Variants in ZNF335 observed in about 807,000 individuals in gnomAD.
ZNF335 encodes the protein NRC-interacting factor 1.
In ZNF335, 84 loss-of-function variants were observed where a neutral mutation model predicts 145.6. That is an observed-to-expected ratio of 0.58 (90% CI 0.48 to 0.69). The LOEUF (loss-of-function observed/expected upper bound fraction) is 0.69, where lower values mean the gene tolerates loss of function less well. Among genes scored for constraint, ZNF335 ranks in the 30% least tolerant of loss-of-function variants. ZNF335 has a pLI of 0.00. For synonymous variants in ZNF335, 761 were observed against 717.0 expected, an observed-to-expected ratio of 1.06 and a Z score of -0.98; for missense variants, 1,865 against 1,809.7, an observed-to-expected ratio of 1.03 and a Z score of -0.55.
chr20:45,965,395 T>A (rs1278562157), intron 7 of ZNF335, among the ~76,000 whole-genome samples: 2 of 152,196 alleles, frequency 1.3e-5, no homozygotes, highest in Non-Finnish European at 2.9e-5. Context: ...TCTTTTGCTA[T>A]GACAAATTGT....
Position 45,953,961 on chromosome 20 carries a change from C to T in ZNF335, c.2443-13G>A. ...TCACCACAGCCACCTGCAACGGCAC[C>T]AGGGGGCGGGATGGGAGGCACTGGT... On this transcript the variant is annotated splice_polypyrimidine_tract_variant and intron_variant, in intron 17 of 27. Coordinates refer to ENST00000322927, the MANE Select transcript of ZNF335 (RefSeq NM_022095.4). The T allele has an allele frequency of 6.4e-7, 1 of 1,570,546 alleles. No individual in the cohort carries two copies. Among genetic ancestry groups the T allele is most frequent in the South Asian group, 1.1e-5 (1 of 87,012 alleles).
chr20:45,960,559 A>C (rs7351655), intron 12 of ZNF335, 34 bp from the exon 13 acceptor site: 1 of 1,613,510 alleles, frequency 6.2e-7, no homozygotes, highest in Non-Finnish European at 8.5e-7. Flanking sequence ...GATGGCGATC[A>C]CCCTCCATCA....
At position 45,960,646 on chromosome 20, in the gene ZNF335, G is replaced by C. The variant is rs758175636; in HGVS notation, c.1752C>G (p.His584Gln). 18 of 1,614,120 alleles carry C rather than the reference G, an allele frequency of 1.1e-5. No homozygotes were observed. Among genetic ancestry groups the C allele is most frequent in the Non-Finnish European group, 1.5e-5 (18 of 1,180,024 alleles). Residue 584 changes from histidine to glutamine, a missense_variant, in exon 12 of 28, where the codon CAC (histidine) becomes CAG (glutamine). Transcript: ENST00000322927. ...CACACATGTGGGGCTTCTCAGTGCT[G>C]TGCGTCTTCATGTGCTGCGTGAGTC... Reference protein sequence around the residue: ...QKRLTQHMKTHSTEKPHMCDK... With the variant: ...QKRLTQHMKTQSTEKPHMCDK...
At position 45,960,747 on chromosome 20, in the gene ZNF335, G is replaced by T; in HGVS notation, c.1666-15C>A. ...AGCTTTGGAGTCTAGGAAGGCATAA[G>T]AAGGGGCCAGATGGAGAAAGAAGTG... On this transcript the variant is annotated splice_polypyrimidine_tract_variant and intron_variant, in intron 11 of 27. Coordinates refer to ENST00000322927, the MANE Select transcript of ZNF335 (RefSeq NM_022095.4). 2.5e-6 allele frequency: 4 copies of T among 1,613,364 alleles called. No individual in the cohort carries two copies. The highest frequency in any genetic ancestry group is 3.4e-6 in the Non-Finnish European group (4 of 1,179,412).
chr20:45,949,281 C>T (rs746041587), intron 26 of ZNF335, 30 bp from the exon 27 acceptor site: 6 of 1,613,916 alleles, frequency 3.7e-6, no homozygotes, highest in Admixed American at 3.3e-5. Context: ...AAGATGCTGG[C>T]CTGGAGAAAC....
Position 45,952,479 on chromosome 20 carries a change from G to A in ZNF335, c.2857C>T (p.Leu953=), listed in dbSNP as rs779332922. ...GSISFPSPDA[L]ASGAKWPLLQ... ...AGGGGCCATTTGGCACCAGAGGCCAGAGCATCTGGACTTGGGAAGGAGATG... is the reference window on the plus strand; with the variant it reads ...AGGGGCCATTTGGCACCAGAGGCCAAAGCATCTGGACTTGGGAAGGAGATG... The change falls in exon 20 of 28, where the codon CTG becomes TTG. Residue 953 remains leucine (L), a synonymous_variant. Coordinates refer to ENST00000322927, the MANE Select transcript of ZNF335 (RefSeq NM_022095.4). The A allele has an allele frequency of 1.3e-6, 2 of 1,565,508 alleles. No individual in the cohort carries two copies.
intron 3 of ZNF335, 92 bp from the exon 4 acceptor site, chr20:45,968,454 G>A: frequency 8.1e-7 from 1 of 1,232,332 alleles, no homozygotes; most frequent in East Asian, 2.4e-5. Context: ...CTGTGAGCAG[G>A]GCTGGTCCAC....
chr20:45,968,897 G>A (rs926609500), intron 3 of ZNF335: 2 of 155,576 alleles, frequency 1.3e-5, no homozygotes, highest in African/African-American at 2.4e-5. Context: ...CAAAAAGGTG[G>A]TGTGCACCTG....
In ZNF335 at chr20:45,968,353, G is replaced by C. The variant is rs768784734; in HGVS notation, c.452C>G (p.Thr151Ser). 2 of 1,611,718 alleles carry C rather than the reference G, an allele frequency of 1.2e-6. No individual in the cohort carries two copies. The highest frequency in any genetic ancestry group is 1.7e-6 in the Non-Finnish European group (2 of 1,178,256). ...CCCGCCATCCTCAGCACTGGTCACA[G>C]TGATGCAGTCTGGGCAGAGATGGGG... ...IGPDLIQNCI[T>S]VTSAEDGGAE... The change falls in exon 4 of 28, where the codon ACT (threonine) becomes AGT (serine). Residue 151 changes from threonine to serine, a missense_variant. Coordinates refer to ENST00000322927, the MANE Select transcript of ZNF335 (RefSeq NM_022095.4).
chr20:45,960,106 G>C, intron 14 of ZNF335, 102 bp downstream of exon 14: 1 of 1,354,432 alleles, frequency 7.4e-7, no homozygotes, highest in Non-Finnish European at 1.0e-6. Context: ...TTCTGTGGCT[G>C]GGGCTACCGA....
Position 45,953,936 on chromosome 20 carries a change from T to G in ZNF335, c.2455A>C (p.Lys819Gln). The G allele has an allele frequency of 6.3e-7, 1 of 1,596,900 alleles. No individual in the cohort carries two copies. The highest frequency in any genetic ancestry group is 8.5e-7 in the Non-Finnish European group (1 of 1,170,954). Residue 819 changes from lysine to glutamine, a missense_variant, in exon 18 of 28, where the codon AAG becomes CAG. By Grantham distance (53) the Lys-to-Gln change is moderately conservative. Transcript: ENST00000322927. ...AACCCTGCTTCCACATCTTCCGACT[T>G]CACCACAGCCACCTGCAACGGCACC... ...GGTALQVAVV[K>Q]SEDVEAGLAS...
At chr20:45,969,834 G>T in intron 2 of ZNF335, 143 bp from the exon 3 acceptor site, 1 of 1,133,262 alleles carries the variant, frequency 8.8e-7, no homozygotes, top group Non-Finnish European at 1.2e-6. Context: ...CCCCACGGAG[G>T]ACCAGTGAGA....
At position 45,949,817 on chromosome 20, in the gene ZNF335, C is replaced by G. The variant is rs2083595082; in HGVS notation, c.3652G>C (p.Val1218Leu). The stretch of plus-strand genomic sequence containing the variant: ...TAGCTCACCTGGTTGTCGGAGGTCA[C>G]CAGGTGCTGTACGGTCTGGCCATCT... ...TADGQTVQHL[V>L]TSDNQVQYII... is the part of the protein sequence containing the mutation. Residue 1218 changes from valine (V) to leucine (L), a missense_variant, in exon 24 of 28, where the codon GTG (valine) becomes CTG (leucine). Physicochemically the swap from Val to Leu is conservative, Grantham distance 32. Coordinates refer to ENST00000322927, the MANE Select transcript of ZNF335 (RefSeq NM_022095.4). The G allele has an allele frequency of 6.2e-7, 1 of 1,614,090 alleles. No individual in the cohort carries two copies. The highest frequency in any genetic ancestry group is 1.3e-5 in the African/African-American group (1 of 75,024).
In ZNF335 at chr20:45,960,462, C is replaced by T. The variant is rs773653123; in HGVS notation, c.1846G>A (p.Val616Ile). The T allele has an allele frequency of 1.9e-5, 31 of 1,614,112 alleles. No homozygotes were observed. The highest frequency in any genetic ancestry group is 1.0e-4 in the Admixed American group (6 of 60,014). ...AAGGGGATGTACCTGCGGTTGGCAA[C>T]AGCCTGGATGTGCGTGAGCAGGTGC... is the stretch of plus-strand genomic sequence containing the variant. The part of the protein sequence containing the change: ...KMHLLTHIQA[V>I]ANRRFKCEFC... The change falls in exon 13 of 28, where the codon GTT becomes ATT. Residue 616 changes from valine (V) to isoleucine (I), a missense_variant. Coordinates refer to ENST00000322927, the MANE Select transcript of ZNF335 (RefSeq NM_022095.4).
intron 7 of ZNF335, 21 bp downstream of exon 7, chr20:45,965,607 C>T (rs1391163601): frequency 1.3e-6 from 2 of 1,583,978 alleles, no homozygotes; most frequent in African/African-American, 2.8e-5. Flanking sequence ...CACACGAGCC[C>T]CTCCCAAGAC....
In ZNF335 at chr20:45,965,626, A is replaced by T; in HGVS notation, c.1102+2T>A. 6.3e-7 allele frequency: 1 copy of T among 1,592,740 alleles called. No individual in the cohort carries two copies. On this transcript the variant is annotated splice_donor_variant, in intron 7 of 27. Coordinates refer to ENST00000322927, the MANE Select transcript of ZNF335 (RefSeq NM_022095.4). LOFTEE classifies it high-confidence loss of function. ...CGAGCCCCTCCCAAGACCAAGCCTC[A>T]CCATCTGGGAGGTCTGAGATCTCCA...
intron 9 of ZNF335, 141 bp from the exon 10 acceptor site, chr20:45,962,323 G>T: frequency 1.5e-6 from 1 of 670,416 alleles, no homozygotes; most frequent in Non-Finnish European, 2.6e-6. Flanking sequence ...ACACCCCGAC[G>T]CAAGGGTCAA....
Position 45,967,623 on chromosome 20 carries a change from C to A in ZNF335, c.826G>T (p.Ala276Ser), listed in dbSNP as rs117802609. Residue 276 changes from alanine (A) to serine (S), a missense_variant, in exon 6 of 28, where the codon GCA becomes TCA. Physicochemically the swap from Ala to Ser is moderately conservative, Grantham distance 99. Transcript: ENST00000322927. ...ERHFRPVAAA[A>S]AAAGKKGRLR... ...CGTCCTTTTTTACCAGCTGCTGCTG[C>A]GGCTGCTGCTACTGGAAGTGGAGGG... The A allele has an allele frequency of 1.9e-6, 3 of 1,613,800 alleles. No homozygotes were observed. Among genetic ancestry groups the A allele is most frequent in the Non-Finnish European group, 2.5e-6 (3 of 1,179,970 alleles).
In ZNF335 at chr20:45,966,662, CT is replaced by C. The variant is rs575363899; in HGVS notation, c.955+831del. Among the ~76,000 whole-genome samples the C allele has an allele frequency of 4.0e-5, 6 of 151,600 alleles. No individual in the cohort carries two copies. In the South Asian group the frequency reaches 1.3e-3, roughly 32 times the overall value. On this transcript the variant is annotated intron_variant, in intron 6 of 27. Coordinates refer to ENST00000322927, the MANE Select transcript of ZNF335 (RefSeq NM_022095.4). ...ACCTCCCGGGTTCAAGCGAATTCTC[CT>C]GCCTCGGCTTCCCAAGTAGCTGGGA...
Sources: gnomAD v4.1 joint callset for allele counts (sites outside exome capture counted in the v4.1 genomes callset) on GRCh38, gnomAD v4.1.1 for gene constraint, MANE v1.5 for transcripts, NCBI Gene and HGNC (gene_info 2026-07-23, HGNC 2026-07-21) for gene names.